Variants in CMIP observed in about 807,000 individuals in gnomAD.
CMIP encodes the protein C-Maf-inducing protein.
In CMIP, 13 loss-of-function variants were observed where a neutral mutation model predicts 97.3. The observed-to-expected ratio is 0.13, with a 90% CI of 0.09 to 0.21. CMIP has a LOEUF of 0.21. CMIP is among the 10% of genes least tolerant of loss of function. The probability of loss-of-function intolerance (pLI) is 1.00; values close to 1 mark genes in which losing one functional copy is unlikely to be tolerated. For synonymous variants in CMIP, 538 were observed against 436.3 expected (o/e 1.23, Z -2.91); for missense variants, 847 against 1,024.9 (o/e 0.83, Z 2.37).
chr16:81,555,911 G>T (rs1162662098), intron 1 of CMIP, among the ~76,000 whole-genome samples: 1 of 152,176 alleles, frequency 6.6e-6, no homozygotes, highest in Admixed American at 6.5e-5. Flanking sequence ...CCACCCCTGG[G>T]AGAGCTGTGA....
chr16:81,592,644 C>A (rs2091483646), intron 1 of CMIP, among the ~76,000 whole-genome samples: 1 of 152,242 alleles, frequency 6.6e-6, no homozygotes, highest in Admixed American at 6.5e-5. Context: ...GGACTCAAAA[C>A]AACAGTCCTG....
Position 81,616,087 on chromosome 16 carries a change from A to G in CMIP, c.427-4789A>G, listed in dbSNP as rs552463325. 1.3e-5 allele frequency among the ~76,000 whole-genome samples: 2 copies of G among 151,424 alleles called. No homozygotes were observed. The highest frequency in any genetic ancestry group is 1.9e-4 in the East Asian group (1 of 5,154). ...GGAAGGAGGCGCAGGAGAGTTCCGC[A>G]TCGAGACTGTCCTCAGCCCGGCATC... On this transcript the variant is annotated intron_variant, in intron 2 of 20. Coordinates refer to ENST00000537098, the MANE Select transcript of CMIP (RefSeq NM_198390.3). The surrounding 1 kb of genome is among the most constrained non-coding windows in gnomAD (Gnocchi z 4.7).
At chr16:81,481,880 C>CGTTT (rs2089229542) in intron 1 of CMIP, among the ~76,000 whole-genome samples, 1 of 136,616 alleles carries the variant, frequency 7.3e-6, no homozygotes, top group African/African-American at 2.8e-5. Flanking sequence ...CCGCCTCCCT[C>CGTTT]TTTTTTTTTT....
intron 1 of CMIP, among the ~76,000 whole-genome samples, chr16:81,523,547 C>T (rs2090070415): frequency 6.6e-6 from 1 of 152,222 alleles, no homozygotes; most frequent in African/African-American, 2.4e-5. Context: ...CCCGGCCAAG[C>T]AACTGACTCA....
At chr16:81,696,098 G>A (rs1238216238) in intron 13 of CMIP, 3 of 209,886 alleles carry the variant, frequency 1.4e-5, no homozygotes, top group South Asian at 6.3e-5. Flanking sequence ...CAGAGAGCAC[G>A]GGAGAGGAGT....
At chr16:81,707,632 C>T (rs756241890) in intron 20 of CMIP, among the ~76,000 whole-genome samples, 24 of 152,308 alleles carry the variant, frequency 1.6e-4, no homozygotes, top group Non-Finnish European at 2.8e-4. Context: ...TGCGCTGCAC[C>T]GGCACTAGGC....
intron 1 of CMIP, among the ~76,000 whole-genome samples, chr16:81,599,171 G>A (rs370173377): frequency 3.3e-5 from 5 of 152,048 alleles, no homozygotes; most frequent in African/African-American, 1.2e-4. Flanking sequence ...ACAACACCAA[G>A]GGCACAGCTG....
chr16:81,670,324 G>A (rs983253871), intron 8 of CMIP, 79 bp downstream of exon 8: 41 of 1,435,412 alleles, frequency 2.9e-5, no homozygotes, highest in Non-Finnish European at 3.8e-5. Flanking sequence ...ATATCCACGG[G>A]GGGCTGTCGT....
intron 1 of CMIP, among the ~76,000 whole-genome samples, chr16:81,574,898 C>T (rs2091162500): frequency 6.6e-6 from 1 of 152,208 alleles, no homozygotes; most frequent in Non-Finnish European, 1.5e-5. Flanking sequence ...AGCCCCTCCA[C>T]AGTAGCTGCT....
At chr16:81,682,126 C>T (rs1038682791) in intron 10 of CMIP, among the ~76,000 whole-genome samples, 6 of 152,030 alleles carry the variant, frequency 3.9e-5, no homozygotes, top group Non-Finnish European at 7.4e-5. Context: ...TCATTTGAAC[C>T]CCGGGGGGCG....
At chr16:81,522,503 G>A (rs949875115) in intron 1 of CMIP, among the ~76,000 whole-genome samples, 1 of 152,250 alleles carries the variant, frequency 6.6e-6, no homozygotes, top group Admixed American at 6.5e-5. Context: ...ACTGCATACT[G>A]TGATAGACTT....
chr16:81,500,494 T>C (rs2089588166), intron 1 of CMIP, among the ~76,000 whole-genome samples: 1 of 142,896 alleles, frequency 7.0e-6, no homozygotes, highest in South Asian at 2.3e-4. Context: ...TTTCTTTCTT[T>C]CTTTTTTTTT....
chr16:81,587,942 C>T (rs1397167658), intron 1 of CMIP, among the ~76,000 whole-genome samples: 1 of 152,184 alleles, frequency 6.6e-6, no homozygotes. Flanking sequence ...TCCATGGAAG[C>T]CTGCAGCCCC....
rs2094202072 is a variant in CMIP at position 81,621,984 on chromosome 16, T to C, written c.477+1058T>C. The C allele has an allele frequency of 1.3e-5, 2 of 152,276 alleles. No individual in the cohort carries two copies. Among genetic ancestry groups the C allele is most frequent in the South Asian group, 4.1e-4 (2 of 4,832 alleles). The allele number at this position is 152,276 out of a possible 1,614,324, so 9.4% of individuals were successfully genotyped here. A position where few individuals can be genotyped will look rare whatever the true frequency, so the allele number is the denominator to read the frequency against. On this transcript the variant is annotated intron_variant, in intron 3 of 20. Transcript: ENST00000537098. This position sits in a 1 kb window ranked among gnomAD's most constrained non-coding sequence, Gnocchi z 4.1. ...TCAGAAGCTGAGCTGAGTCTCCACG[T>C]TGGGTTGCAAAGGGGAAGAGAACTA...
chr16:81,704,804 C>T (rs1052776807), intron 18 of CMIP, among the ~76,000 whole-genome samples: 5 of 148,222 alleles, frequency 3.4e-5, no homozygotes, highest in African/African-American at 5.0e-5. Context: ...AAGCTCAGCA[C>T]CCACTCCCTG....
chr16:81,672,920 G>C (rs2092695924), intron 9 of CMIP, among the ~76,000 whole-genome samples: 1 of 152,174 alleles, frequency 6.6e-6, no homozygotes, highest in South Asian at 2.1e-4. Context: ...TTCAGTGCTG[G>C]AGAGCGAGCA....
At chr16:81,697,136 A>C in intron 14 of CMIP, 1 of 184,502 alleles carries the variant, frequency 5.4e-6, no homozygotes, top group Non-Finnish European at 1.1e-5. Flanking sequence ...CACTATCATG[A>C]GGGGTCTGAG....
At chr16:81,519,465 T>A (rs12934986) in intron 1 of CMIP, 24,945 of 152,288 alleles carry the variant, frequency 0.16, 2,158 homozygotes, top group East Asian at 0.26. Flanking sequence ...CTCTGGGCTG[T>A]TCTCTACTCA....
At chr16:81,683,143 T>C (rs1051789912) in intron 10 of CMIP, among the ~76,000 whole-genome samples, 3 of 152,186 alleles carry the variant, frequency 2.0e-5, no homozygotes, top group Non-Finnish European at 4.4e-5. Flanking sequence ...ACTCAGTCCC[T>C]CTGAACCTGA....
Sources: gnomAD v4.1 joint callset for allele counts (sites outside exome capture counted in the v4.1 genomes callset) on GRCh38, gnomAD v4.1.1 for gene constraint, Gnocchi (gnomAD v3.1) non-coding constraint, MANE v1.5 for transcripts, NCBI Gene and HGNC (gene_info 2026-07-23, HGNC 2026-07-21) for gene names.